The following SRBD1 variants were observed in gnomAD, a reference collection of about 807,000 sequenced individuals.
SRBD1 encodes S1 RNA-binding domain-containing protein 1.
In SRBD1, 88 loss-of-function variants were observed where a neutral mutation model predicts 115.3. The observed-to-expected ratio is 0.76, with a 90% CI of 0.64 to 0.91. The LOEUF is 0.91. Ranked by LOEUF, SRBD1 falls within the 40% of genes least tolerant of loss-of-function variation. The pLI, the probability that SRBD1 is intolerant of heterozygous loss-of-function variation, is 0.00. For synonymous variants in SRBD1, 509 were observed against 407.7 expected (o/e 1.25, Z -2.99); for missense variants, 1,385 against 1,177.4 (o/e 1.18, Z -2.58).
intron 16 of SRBD1, among the ~76,000 whole-genome samples, chr2:45,423,424 C>G (rs914943530): frequency 1.3e-5 from 2 of 152,030 alleles, no homozygotes; most frequent in African/African-American, 4.8e-5. Flanking sequence ...ATTATTGTTC[C>G]ATATACATTA....
At position 45,551,109 on chromosome 2, in the gene SRBD1, T is replaced by C. The variant is rs375676229; in HGVS notation, c.1675+16A>G. On this transcript the variant is annotated intron_variant, in intron 12 of 20. Transcript: ENST00000263736. The stretch of plus-strand genomic sequence containing the variant: ...AACCAAACAACTTTTACATGGAAAA[T>C]TGCAAGACAACTTACTAGTAGGAGA... The C allele has an allele frequency of 4.4e-5, 70 of 1,577,274 alleles. No homozygotes were observed. Among genetic ancestry groups the C allele is most frequent in the Admixed American group, 8.2e-5 (4 of 48,536 alleles).
At chr2:45,484,733 C>T (rs1000451941) in intron 15 of SRBD1, among the ~76,000 whole-genome samples, 1 of 152,200 alleles carries the variant, frequency 6.6e-6, no homozygotes, top group African/African-American at 2.4e-5. Flanking sequence ...ACCCATTAAG[C>T]AGTCACTGTC....
chr2:45,413,983 G>A (rs1304516331), intron 18 of SRBD1, among the ~76,000 whole-genome samples: 1 of 152,058 alleles, frequency 6.6e-6, no homozygotes, highest in African/African-American at 2.4e-5. Context: ...ACATATCATG[G>A]ATAAACTTTA....
At chr2:45,445,168 C>T (rs1057262616) in intron 16 of SRBD1, among the ~76,000 whole-genome samples, 5 of 152,196 alleles carry the variant, frequency 3.3e-5, no homozygotes, top group South Asian at 4.1e-4. Context: ...TTGGAATAAA[C>T]GGAATGTGCC....
chr2:45,455,410 C>T (rs1334030246), intron 16 of SRBD1, among the ~76,000 whole-genome samples: 1 of 151,836 alleles, frequency 6.6e-6, no homozygotes, highest in African/African-American at 2.4e-5. Context: ...ATAATCATCA[C>T]CTGGGCTGCC....
At chr2:45,553,331 C>T (rs144780234) in intron 11 of SRBD1, among the ~76,000 whole-genome samples, 201 of 152,308 alleles carry the variant, frequency 1.3e-3, no homozygotes, top group Non-Finnish European at 2.2e-3. Context: ...CTTTGGCTCT[C>T]TTACCTCTAA....
Position 45,530,097 on chromosome 2 carries a change from G to A in SRBD1, c.1874+16635C>T, listed in dbSNP as rs184706195. On this transcript the variant is annotated intron_variant, in intron 14 of 20. Transcript: ENST00000263736. ...AACTTCTTATGTAGTCCTAGATTGA[G>A]GAAAACCATTATGTTGAAAGGAAAA... Among the ~76,000 whole-genome samples the A allele has an allele frequency of 1.6e-4, 25 of 152,064 alleles. 1 individual carries two copies. The highest frequency in any genetic ancestry group is 9.2e-4 in the Admixed American group (14 of 15,260).
chr2:45,604,149 C>T (rs1674188384), intron 2 of SRBD1, among the ~76,000 whole-genome samples: 1 of 151,988 alleles, frequency 6.6e-6, no homozygotes, highest in African/African-American at 2.4e-5. Flanking sequence ...ACTCATTTCC[C>T]CTACTTCCAG....
In SRBD1 at chr2:45,585,899, T is replaced by TA. The variant is rs138009039; in HGVS notation, c.649-126dup. 7.4e-3 allele frequency: 5,243 copies of TA among 710,016 alleles called. 32 individuals carry two copies. The highest frequency in any genetic ancestry group is 0.01 in the South Asian group (403 of 38,776). The allele number at this position is 710,016 out of a possible 1,614,324, so 44.0% of individuals were successfully genotyped here. On this transcript the variant is annotated intron_variant, in intron 4 of 20. Transcript: ENST00000263736. ...TTAGAAACTACTTGCTATAGTTTTT[T>TA]AAAAAAAAGAAAGCCATATAAAATA... is the stretch of plus-strand genomic sequence containing the variant.
chr2:45,586,103 G>A (rs1441919896), intron 4 of SRBD1, among the ~76,000 whole-genome samples: 1 of 152,156 alleles, frequency 6.6e-6, no homozygotes, highest in African/African-American at 2.4e-5. Context: ...AACTCACTTT[G>A]TCAGCATGAG....
chr2:45,425,061 C>T (rs889419064), intron 16 of SRBD1, among the ~76,000 whole-genome samples: 26 of 152,110 alleles, frequency 1.7e-4, no homozygotes, highest in Non-Finnish European at 2.9e-4. Context: ...CTGTACTTAG[C>T]CCCCCTGAGC....
chr2:45,515,547 A>G (rs1671093819), intron 14 of SRBD1, among the ~76,000 whole-genome samples: 1 of 152,198 alleles, frequency 6.6e-6, no homozygotes, highest in Non-Finnish European at 1.5e-5. Context: ...CCAGCTAGCA[A>G]GAAGCAGAGC....
chr2:45,577,582 T>C (rs1673219466), intron 7 of SRBD1, among the ~76,000 whole-genome samples: 1 of 152,130 alleles, frequency 6.6e-6, no homozygotes, highest in African/African-American at 2.4e-5. Context: ...AGTCCATTTG[T>C]GGCACAGTAT....
intron 14 of SRBD1, 40 bp downstream of exon 14, chr2:45,546,692 C>A (rs762896046): frequency 6.3e-7 from 1 of 1,591,952 alleles, no homozygotes; most frequent in South Asian, 1.1e-5. Context: ...TTAAAGTTCC[C>A]ATGCTTCTCC....
At chr2:45,572,700 G>A (rs1368850273) in intron 9 of SRBD1, among the ~76,000 whole-genome samples, 1 of 151,836 alleles carries the variant, frequency 6.6e-6, no homozygotes, top group Admixed American at 6.6e-5. Context: ...TCTCCTTTTT[G>A]CCCTATGTAA....
chr2:45,582,363 A>G (rs1673392404), intron 5 of SRBD1, among the ~76,000 whole-genome samples: 1 of 152,204 alleles, frequency 6.6e-6, no homozygotes, highest in Admixed American at 6.5e-5. Context: ...TTCTTACTAC[A>G]CGTTATTAGG....
At chr2:45,392,886 A>C in intron 20 of SRBD1, 59 bp downstream of exon 20, 1 of 1,460,678 alleles carries the variant, frequency 6.8e-7, no homozygotes, top group Non-Finnish European at 9.2e-7. Flanking sequence ...GTGAGGATCA[A>C]AGGAGATAAT....
intron 14 of SRBD1, among the ~76,000 whole-genome samples, chr2:45,528,791 C>A (rs749094391): frequency 6.6e-6 from 1 of 151,600 alleles, no homozygotes; most frequent in African/African-American, 2.4e-5. Flanking sequence ...TACAAGAATG[C>A]CTAGAAAAAA....
At chr2:45,497,190 A>G (rs1390425006) in intron 14 of SRBD1, among the ~76,000 whole-genome samples, 1 of 152,200 alleles carries the variant, frequency 6.6e-6, no homozygotes, top group Non-Finnish European at 1.5e-5. Flanking sequence ...TATGTTCATT[A>G]ATGGCAAGCC....
Sources: allele counts gnomAD v4.1 joint callset (sites outside exome capture counted in the v4.1 genomes callset), GRCh38; gene constraint gnomAD v4.1.1; transcripts MANE v1.5; gene names NCBI Gene and HGNC (gene_info 2026-07-23, HGNC 2026-07-21).